Variants in CFAP97 observed in about 807,000 individuals in gnomAD.
CFAP97 encodes cilia and flagella associated protein 97, also known as cilia- and flagella-associated protein 97.
In CFAP97, 36 loss-of-function variants were observed where a neutral mutation model predicts 43.1. That is an observed-to-expected ratio of 0.84 (90% confidence interval 0.64 to 1.10). The LOEUF (loss-of-function observed/expected upper bound fraction) is 1.10, where lower values mean the gene tolerates loss of function less well. CFAP97 is among the 50% of genes least tolerant of loss of function. The pLI, the probability that CFAP97 is intolerant of heterozygous loss-of-function variation, is 0.00. For missense variants in CFAP97, 657 were observed against 620.3 expected (o/e 1.06, Z -0.63); for synonymous variants, 228 against 225.7 (o/e 1.01, Z -0.09).
upstream of CFAP97, among the ~76,000 whole-genome samples, chr4:185,208,698 A>G (rs548184085): frequency 1.3e-5 from 2 of 152,178 alleles, no homozygotes; most frequent in Non-Finnish European, 1.5e-5. Context: ...ACTGCACTCC[A>G]GCCTGGGCAA....
chr4:185,162,820 T>C lies in CFAP97; in HGVS notation c.1577A>G (p.Asn526Ser). The change falls in exon 5 of 5, where the codon AAT becomes AGT. Residue 526 changes from asparagine to serine, a missense_variant. Physicochemically the swap from Asn to Ser is conservative, Grantham distance 46. Transcript: ENST00000458385. ...GTTTTATAACCAAGCTGTACGGACA[T>C]TAGGGGGTTTAGGTCTTCTTCGAGG... is the stretch of plus-strand genomic sequence containing the variant. ...GHPRRRPKPPNVRTAWL is the reference protein window; with the variant it reads ...GHPRRRPKPPSVRTAWL 6.2e-7 allele frequency: 1 copy of C among 1,612,980 alleles called. No homozygotes were observed. The highest frequency in any genetic ancestry group is 8.5e-7 in the Non-Finnish European group (1 of 1,179,568).
chr4:185,164,263 C>A, intron 3 of CFAP97, 84 bp from the exon 4 acceptor site: 1 of 1,266,342 alleles, frequency 7.9e-7, no homozygotes, highest in Non-Finnish European at 1.1e-6. Context: ...GCCTGACATT[C>A]ACTTTCTTTC....
Position 185,190,608 on chromosome 4 carries a change from G to A in CFAP97, c.589C>T (p.Leu197=). The A allele has an allele frequency of 6.2e-7, 1 of 1,607,828 alleles. No individual in the cohort carries two copies. Among genetic ancestry groups the A allele is most frequent in the Non-Finnish European group, 8.5e-7 (1 of 1,176,698 alleles). The part of the protein sequence containing the change: ...DCLDAGSDSH[L]SDSSPSSKSS... ...TTAGATGACGGAGACGAATCAGATAGATGGCTATCAGACCCTGCATCTAAA... is the reference window on the plus strand; with the variant it reads ...TTAGATGACGGAGACGAATCAGATAAATGGCTATCAGACCCTGCATCTAAA... The change falls in exon 2 of 5, where the codon CTA becomes TTA. Residue 197 remains leucine (L), a synonymous_variant. Coordinates refer to ENST00000458385, the MANE Select transcript of CFAP97 (RefSeq NM_020827.3).
At chr4:185,204,094 C>A (rs1363048053), upstream of CFAP97, 1 of 151,054 alleles carries the variant, frequency 6.6e-6, no homozygotes, top group African/African-American at 2.4e-5. Flanking sequence ...CGGCGGGCGT[C>A]ACAGAGCGCG....
chr4:185,194,622 G>C (rs1312526555), intron 1 of CFAP97, among the ~76,000 whole-genome samples: 1 of 152,142 alleles, frequency 6.6e-6, no homozygotes, highest in Non-Finnish European at 1.5e-5. Flanking sequence ...CCAACTCCTG[G>C]GCTCAAGTGA....
Position 185,190,856 on chromosome 4 carries a change from A to C in CFAP97, c.341T>G (p.Val114Gly), listed in dbSNP as rs1179858459. 6.2e-7 allele frequency: 1 copy of C among 1,611,586 alleles called. No individual in the cohort carries two copies. Among genetic ancestry groups the C allele is most frequent in the Non-Finnish European group, 8.5e-7 (1 of 1,178,634 alleles). Residue 114 changes from valine (V) to glycine (G), a missense_variant, in exon 2 of 5, where the codon GTG becomes GGG. Transcript: ENST00000458385. ...CDVTTGLKIH[V>G]SIPNRIPKIV... ...TTTGGGAATTCTATTTGGAATGGAC[A>C]CGTGTATTTTAAGTCCTGTTGTAAC... is the stretch of plus-strand genomic sequence containing the variant.
intron 3 of CFAP97, among the ~76,000 whole-genome samples, chr4:185,166,051 T>C (rs1735056751): frequency 6.6e-6 from 1 of 152,116 alleles, no homozygotes; most frequent in African/African-American, 2.4e-5. Flanking sequence ...CCTCCCTGCA[T>C]GCTATTCCTT....
chr4:185,203,305 G>A (rs1306607879), intron 1 of CFAP97, among the ~76,000 whole-genome samples: 2 of 152,214 alleles, frequency 1.3e-5, no homozygotes, highest in African/African-American at 2.4e-5. Flanking sequence ...GCAATAACAA[G>A]ACTAATGCTT....
intron 2 of CFAP97, among the ~76,000 whole-genome samples, chr4:185,184,918 T>G (rs1735950596): frequency 6.6e-6 from 1 of 152,190 alleles, no homozygotes. Context: ...TAGGATACAG[T>G]GGGGTTTATA....
Position 185,173,319 on chromosome 4 carries a change from C to T in CFAP97, c.1320+2467G>A, listed in dbSNP as rs145053858. Among the ~76,000 whole-genome samples, 578 of 147,432 alleles carry T rather than the reference C, an allele frequency of 3.9e-3. 3 individuals carry two copies. The highest frequency in any genetic ancestry group is 0.014 in the African/African-American group (541 of 40,056). The stretch of plus-strand genomic sequence containing the variant: ...CAGAGGTTACAGTGAGCCGAGATCA[C>T]GTCACTGCACTCCAGCCTGGTGACG... On this transcript the variant is annotated intron_variant, in intron 3 of 4. Coordinates refer to ENST00000458385, the MANE Select transcript of CFAP97 (RefSeq NM_020827.3).
intron 3 of CFAP97, among the ~76,000 whole-genome samples, chr4:185,165,159 A>G (rs1735017319): frequency 6.6e-6 from 1 of 152,230 alleles, no homozygotes; most frequent in African/African-American, 2.4e-5. Flanking sequence ...TTTTAAAAAG[A>G]TATGTAGCCT....
intron 2 of CFAP97, among the ~76,000 whole-genome samples, chr4:185,187,638 G>A (rs1736059951): frequency 1.3e-5 from 2 of 151,926 alleles, no homozygotes; most frequent in African/African-American, 4.8e-5. Flanking sequence ...TACAACAGGA[G>A]CGGCAACAAC....
Position 185,191,047 on chromosome 4 carries a change from A to T in CFAP97, c.150T>A (p.Asn50Lys), listed in dbSNP as rs1736228665. Residue 50 changes from asparagine (N) to lysine (K), a missense_variant, in exon 2 of 5, where the codon AAT becomes AAA. Coordinates refer to ENST00000458385, the MANE Select transcript of CFAP97 (RefSeq NM_020827.3). ...PKERIDKDTK[N>K]VNSNTGMQTT... The stretch of plus-strand genomic sequence containing the variant: ...TTTGCATTCCAGTGTTCGAATTTAC[A>T]TTTTTTGTATCTTTATCTATTCTTT... The T allele has an allele frequency of 6.2e-6, 10 of 1,613,368 alleles. No individual in the cohort carries two copies. Among genetic ancestry groups the T allele is most frequent in the Non-Finnish European group, 8.5e-6 (10 of 1,179,660 alleles).
intron 3 of CFAP97, among the ~76,000 whole-genome samples, chr4:185,164,451 T>C (rs1734993475): frequency 6.6e-6 from 1 of 152,168 alleles, no homozygotes; most frequent in African/African-American, 2.4e-5. Flanking sequence ...ACATTTCAAA[T>C]AATATAATTT....
intron 4 of CFAP97, among the ~76,000 whole-genome samples, 200 bp from the exon 5 acceptor site, chr4:185,163,125 T>C (rs1025842689): frequency 1.3e-5 from 2 of 152,212 alleles, no homozygotes; most frequent in African/African-American, 2.4e-5. Context: ...TTTGATTCAC[T>C]GGATTGGCGT....
Position 185,190,279 on chromosome 4 carries a change from T to G in CFAP97, c.918A>C (p.Lys306Asn), listed in dbSNP as rs749364561. 4 of 1,611,164 alleles carry G rather than the reference T, an allele frequency of 2.5e-6. No individual in the cohort carries two copies. In the Admixed American group the frequency reaches 5.0e-5, roughly 20 times the overall value. The change falls in exon 2 of 5, where the codon AAA (lysine) becomes AAC (asparagine). Residue 306 changes from lysine (K) to asparagine (N), a missense_variant. By Grantham distance (94) the Lys-to-Asn change is moderately conservative. Coordinates refer to ENST00000458385, the MANE Select transcript of CFAP97 (RefSeq NM_020827.3). The stretch of plus-strand genomic sequence containing the variant: ...GTTTTTCTTTCCCTTTTTTGGCTGC[T>G]TTCAAATATTTTGAATTATTTTTCA... The part of the protein sequence containing the change: ...EDLKNNSKYL[K>N]AAKKGKEKHE...
Position 185,181,567 on chromosome 4 carries a change from C to T in CFAP97, c.1055-5516G>A, listed in dbSNP as rs181179477. Among the ~76,000 whole-genome samples, 495 of 152,164 alleles carry T rather than the reference C, an allele frequency of 3.3e-3. 3 individuals carry two copies. Among genetic ancestry groups the T allele is most frequent in the African/African-American group, 8.0e-3 (331 of 41,546 alleles). ...CTCGAACACCCGACCTCAGGTGATC[C>T]GCCCGCCTCGGCCTCCCAAAGTGCT... On this transcript the variant is annotated intron_variant, in intron 2 of 4. Coordinates refer to ENST00000458385, the MANE Select transcript of CFAP97 (RefSeq NM_020827.3).
At chr4:185,173,160 G>A (rs772578856) in intron 3 of CFAP97, among the ~76,000 whole-genome samples, 2 of 151,944 alleles carry the variant, frequency 1.3e-5, no homozygotes, top group Non-Finnish European at 2.9e-5. Flanking sequence ...TCAGGAGATC[G>A]AGACCATCCT....
At chr4:185,176,130 TAGACGGAG>T (rs1560860390) in intron 2 of CFAP97, 79 bp from the exon 3 acceptor site, 14 of 1,146,426 alleles carry the variant, frequency 1.2e-5, no homozygotes, top group African/African-American at 3.4e-5. Context: ...TTTCTCTTTT[TAGACGGAG>T]TTTCACTCTT....
Sources: allele counts gnomAD v4.1 joint callset (sites outside exome capture counted in the v4.1 genomes callset), GRCh38; gene constraint gnomAD v4.1.1; transcripts MANE v1.5; gene names NCBI Gene and HGNC (gene_info 2026-07-23, HGNC 2026-07-21).